The following LPCAT1 variants were observed in gnomAD, a reference collection of about 807,000 sequenced individuals.
The protein encoded by LPCAT1 is 1-acylglycerol-3-phosphate O-acyltransferase.
A neutral mutation model predicts 60.9 loss-of-function variants in LPCAT1; 23 were observed. The ratio of observed to expected loss-of-function variants is 0.38; its 90% confidence interval spans 0.27 to 0.53. LPCAT1 has a LOEUF of 0.53. Among genes scored for constraint, LPCAT1 ranks in the 20% least tolerant of loss-of-function variants. LPCAT1 has a pLI of 0.82. For synonymous variants in LPCAT1, 340 were observed against 301.1 expected (o/e 1.13, Z -1.34); for missense variants, 622 against 723.6 (o/e 0.86, Z 1.61).
At position 1,495,082 on chromosome 5, in the gene LPCAT1, G is replaced by A. The variant is rs987035344; in HGVS notation, c.279-168C>T. Among the ~76,000 whole-genome samples the A allele has an allele frequency of 2.6e-5, 4 of 152,184 alleles. No individual in the cohort carries two copies. Among genetic ancestry groups the A allele is most frequent in the Non-Finnish European group, 4.4e-5 (3 of 68,032 alleles). ...TGCTTGAGGGAAGAAAAGACGCCGCGCCTTCCTGGCCTCCGCCTGTGTCCT... is the reference window on the plus strand; with the variant it reads ...TGCTTGAGGGAAGAAAAGACGCCGCACCTTCCTGGCCTCCGCCTGTGTCCT... On this transcript the variant is annotated intron_variant, in intron 2 of 13. Coordinates refer to ENST00000283415, the MANE Select transcript of LPCAT1 (RefSeq NM_024830.5). This position sits in a 1 kb window ranked among gnomAD's most constrained non-coding sequence, Gnocchi z 4.7.
At chr5:1,486,498 C>T (rs1233874401) in intron 5 of LPCAT1, among the ~76,000 whole-genome samples, 2 of 152,154 alleles carry the variant, frequency 1.3e-5, no homozygotes, top group Non-Finnish European at 2.9e-5. Flanking sequence ...AGCAACGTGA[C>T]CCCAACATCA....
At chr5:1,517,178 C>G (rs549114125) in intron 1 of LPCAT1, among the ~76,000 whole-genome samples, 2 of 152,178 alleles carry the variant, frequency 1.3e-5, no homozygotes, top group Non-Finnish European at 2.9e-5. Flanking sequence ...GTAAGCATGC[C>G]CCAGCACCCA....
At position 1,496,134 on chromosome 5, in the gene LPCAT1, G is replaced by A. The variant is rs1048740307; in HGVS notation, c.279-1220C>T. Among the ~76,000 whole-genome samples the A allele has an allele frequency of 6.6e-6, 1 of 152,208 alleles. No homozygotes were observed. Among genetic ancestry groups the A allele is most frequent in the African/African-American group, 2.4e-5 (1 of 41,450 alleles). ...ACAGCACTTTGGGAGGCCAAGGCAG[G>A]TGGATCACTTGAGGTCAGGAGCTCA... On this transcript the variant is annotated intron_variant, in intron 2 of 13. Transcript: ENST00000283415. This position sits in a 1 kb window ranked among gnomAD's most constrained non-coding sequence, Gnocchi z 4.7.
At chr5:1,466,015 C>T (rs928554453) in intron 13 of LPCAT1, among the ~76,000 whole-genome samples, 83 of 152,334 alleles carry the variant, frequency 5.4e-4, no homozygotes, top group African/African-American at 1.9e-3. Context: ...ACGCAGCTCT[C>T]TCGCGTGTCT....
At chr5:1,497,405 T>C (rs1735835671) in intron 2 of LPCAT1, among the ~76,000 whole-genome samples, 1 of 152,156 alleles carries the variant, frequency 6.6e-6, no homozygotes, top group South Asian at 2.1e-4. Context: ...AGGTTCCAAA[T>C]GTTCTGCTGT....
At chr5:1,503,666 T>C (rs1039526732) in intron 1 of LPCAT1, among the ~76,000 whole-genome samples, 3 of 152,242 alleles carry the variant, frequency 2.0e-5, no homozygotes, top group African/African-American at 7.2e-5. Flanking sequence ...GAAACCAGCG[T>C]GCACCCATGC....
chr5:1,516,812 G>T (rs974224675), intron 1 of LPCAT1, among the ~76,000 whole-genome samples: 1 of 152,160 alleles, frequency 6.6e-6, no homozygotes, highest in African/African-American at 2.4e-5. Context: ...AGGGCACAGG[G>T]GATGAGGTTA....
chr5:1,474,108 A>G lies in LPCAT1; in HGVS notation c.1028T>C (p.Leu343Pro). The change falls in exon 11 of 14, where the codon CTA becomes CCA. Residue 343 changes from leucine to proline, a missense_variant and splice_region_variant. By Grantham distance (98) the Leu-to-Pro change is moderately conservative. Transcript: ENST00000283415. ...EFARLVRGLG[L>P]KPEKLEKDLD... ...ATCTTTTTCAAGCTTTTCTGGTTTTAGCCTAGACAAAAAAAGAGGGAAAGC... is the reference window on the plus strand; with the variant it reads ...ATCTTTTTCAAGCTTTTCTGGTTTTGGCCTAGACAAAAAAAGAGGGAAAGC... 1 of 1,606,244 alleles carries G rather than the reference A, an allele frequency of 6.2e-7. No individual in the cohort carries two copies. Among genetic ancestry groups the G allele is most frequent in the Non-Finnish European group, 8.5e-7 (1 of 1,177,644 alleles).
At position 1,487,454 on chromosome 5, in the gene LPCAT1, C is replaced by A. The variant is rs2126543126; in HGVS notation, c.667+937G>T. ...CAAAACCTGCCATCTGCCTGCTGCA[C>A]CAAGGAGGGTGGAGGGTGAAAGCAC... On this transcript the variant is annotated intron_variant, in intron 5 of 13. Coordinates refer to ENST00000283415, the MANE Select transcript of LPCAT1 (RefSeq NM_024830.5). The surrounding 1 kb of genome is among the most constrained non-coding windows in gnomAD (Gnocchi z 6.1). Among the ~76,000 whole-genome samples, 1 of 152,280 alleles carries A rather than the reference C, an allele frequency of 6.6e-6. No individual in the cohort carries two copies. Among genetic ancestry groups the A allele is most frequent in the Middle Eastern group, 3.4e-3 (1 of 294 alleles).
chr5:1,497,934 C>T (rs993273535), intron 2 of LPCAT1, among the ~76,000 whole-genome samples: 4 of 152,230 alleles, frequency 2.6e-5, no homozygotes, highest in South Asian at 2.1e-4. Flanking sequence ...AAGGATTCAG[C>T]GCCAGATGGT....
rs184772788 is a variant in LPCAT1 at position 1,473,240 on chromosome 5, G to T, written c.1179+717C>A. ...CTCATGCTGTCACGGGACAGTCATG[G>T]CTGAAGGAGCCTTCTACACACACCC... On this transcript the variant is annotated intron_variant, in intron 11 of 13. Coordinates refer to ENST00000283415, the MANE Select transcript of LPCAT1 (RefSeq NM_024830.5). Among the ~76,000 whole-genome samples, 13 of 152,344 alleles carry T rather than the reference G, an allele frequency of 8.5e-5. 1 individual carries two copies. The East Asian group carries it at 1.9e-3, about 23-fold the overall frequency.
At position 1,476,495 on chromosome 5, in the gene LPCAT1, G is replaced by A. The variant is rs1475610983; in HGVS notation, c.899+909C>T. Among the ~76,000 whole-genome samples the A allele has an allele frequency of 1.7e-4, 26 of 152,156 alleles. No individual in the cohort carries two copies. The highest frequency in any genetic ancestry group is 1.7e-3 in the Admixed American group (26 of 15,276). On this transcript the variant is annotated intron_variant, in intron 9 of 13. Coordinates refer to ENST00000283415, the MANE Select transcript of LPCAT1 (RefSeq NM_024830.5). The surrounding 1 kb of genome is among the most constrained non-coding windows in gnomAD (Gnocchi z 8.6). The stretch of plus-strand genomic sequence containing the variant: ...AGCCAGGCACACTCTGATGGGCCCG[G>A]CCGTGGCTGTGTTCCCCTCTGGGCT...
chr5:1,473,952 C>T lies in LPCAT1; in HGVS notation c.1179+5G>A, dbSNP rs747403643. On this transcript the variant is annotated splice_donor_5th_base_variant and intron_variant, in intron 11 of 13. Coordinates refer to ENST00000283415, the MANE Select transcript of LPCAT1 (RefSeq NM_024830.5). ...ACACCCCGCTCCGCAGGCGACAGGC[C>T]CTACCTCGTCGAACAGTGAAAACAT... is the stretch of plus-strand genomic sequence containing the variant. The T allele has an allele frequency of 1.2e-6, 2 of 1,613,924 alleles. No individual in the cohort carries two copies. The highest frequency in any genetic ancestry group is 1.1e-5 in the South Asian group (1 of 91,026).
rs1274568910 is a variant in LPCAT1, at chr5:1,462,272, T to C, written c.*1379A>G. On this transcript the variant is annotated 3_prime_UTR_variant, in exon 14 of 14. Transcript: ENST00000283415. ...TTGCTTTAGGAAGCAAACTCAAGTC[T>C]GTGATGATTATTGTGCTTGAAGGAT... 2 of 152,508 alleles carry C rather than the reference T, an allele frequency of 1.3e-5. No homozygotes were observed. The highest frequency in any genetic ancestry group is 2.9e-5 in the Non-Finnish European group (2 of 68,016). 9.4% of individuals were successfully genotyped at this position (152,508 alleles called of 1,614,324 possible).
At chr5:1,475,491 C>T (rs1734865581) in intron 9 of LPCAT1, among the ~76,000 whole-genome samples, 1 of 152,226 alleles carries the variant, frequency 6.6e-6, no homozygotes, top group Non-Finnish European at 1.5e-5. Flanking sequence ...TCCAGGCCAG[C>T]ACTGCACACG....
chr5:1,500,251 C>T (rs995674934), intron 2 of LPCAT1, among the ~76,000 whole-genome samples: 3 of 152,182 alleles, frequency 2.0e-5, no homozygotes, highest in African/African-American at 2.4e-5. Context: ...TTATAGGACA[C>T]GCGTGGTAAC....
At chr5:1,520,108 G>A (rs1024892865) in intron 1 of LPCAT1, among the ~76,000 whole-genome samples, 2 of 152,348 alleles carry the variant, frequency 1.3e-5, no homozygotes, top group East Asian at 3.9e-4. Flanking sequence ...CCGTGCATGT[G>A]TGCCTGGAGG....
At chr5:1,504,028 A>G (rs1736107805) in intron 1 of LPCAT1, among the ~76,000 whole-genome samples, 1 of 152,226 alleles carries the variant, frequency 6.6e-6, no homozygotes, top group Non-Finnish European at 1.5e-5. Context: ...GTTGTGACCT[A>G]ATCATATTAA....
intron 1 of LPCAT1, among the ~76,000 whole-genome samples, chr5:1,511,096 A>C (rs1343886713): frequency 6.6e-6 from 1 of 152,184 alleles, no homozygotes; most frequent in Non-Finnish European, 1.5e-5. Context: ...GACGGCACTG[A>C]AGCCCCATAT....
Sources: allele counts gnomAD v4.1 joint callset (sites outside exome capture counted in the v4.1 genomes callset), GRCh38; gene constraint gnomAD v4.1.1; non-coding constraint Gnocchi (gnomAD v3.1); transcripts MANE v1.5; gene names NCBI Gene and HGNC (gene_info 2026-07-23, HGNC 2026-07-21).